PDZRN3: variants seen among roughly 807,000 people sequenced by gnomAD.
The protein encoded by PDZRN3 is PDZ domain containing ring finger 3.
In PDZRN3, 38 loss-of-function variants were observed where a neutral mutation model predicts 85.7. That is an observed-to-expected ratio of 0.44 (90% confidence interval 0.34 to 0.58). PDZRN3 has a LOEUF of 0.58. PDZRN3 is among the 20% of genes least tolerant of loss of function. The probability of loss-of-function intolerance (pLI) is 0.01; values close to 1 mark genes in which losing one functional copy is unlikely to be tolerated. For missense variants in PDZRN3, 1,629 were observed against 1,506.4 expected (o/e 1.08, Z -1.35); for synonymous variants, 759 against 638.0 (o/e 1.19, Z -2.86).
chr3:73,415,429 CTT>C (rs1050863331), intron 3 of PDZRN3, among the ~76,000 whole-genome samples: 1 of 152,022 alleles, frequency 6.6e-6, no homozygotes, highest in African/African-American at 2.4e-5. Context: ...TCAGGTTGGA[CTT>C]TGTTTTTAAA....
intron 1 of PDZRN3, among the ~76,000 whole-genome samples, chr3:73,622,032 C>T (rs552940697): frequency 4.6e-5 from 7 of 152,288 alleles, no homozygotes; most frequent in South Asian, 4.1e-4. Flanking sequence ...TATAAATAAG[C>T]GTCACTTAAA....
intron 3 of PDZRN3, among the ~76,000 whole-genome samples, chr3:73,473,147 C>G (rs1006143090): frequency 6.6e-6 from 1 of 152,202 alleles, no homozygotes; most frequent in Admixed American, 6.5e-5. Flanking sequence ...TAAGTGAACT[C>G]TGTGTATATA....
At chr3:73,433,846 C>T in intron 3 of PDZRN3, 2 of 1,446,162 alleles carry the variant, frequency 1.4e-6, no homozygotes, top group Non-Finnish European at 1.8e-6. Flanking sequence ...ATTGGCGCTG[C>T]TCTCAGAGGC....
At chr3:73,550,218 T>C (rs1191047647) in intron 3 of PDZRN3, among the ~76,000 whole-genome samples, 2 of 152,144 alleles carry the variant, frequency 1.3e-5, no homozygotes, top group Non-Finnish European at 2.9e-5. Context: ...GGGAACTGGT[T>C]AGAAATGCAA....
intron 8 of PDZRN3, 65 bp downstream of exon 8, chr3:73,387,903 C>G (rs1701431485): frequency 2.7e-6 from 2 of 742,314 alleles, no homozygotes. Flanking sequence ...TGCTCTTTTG[C>G]AGGCCTGGGG....
intron 3 of PDZRN3, among the ~76,000 whole-genome samples, chr3:73,515,051 A>T (rs1390631670): frequency 6.6e-6 from 1 of 152,114 alleles, no homozygotes; most frequent in Non-Finnish European, 1.5e-5. Context: ...CCACCCCAGT[A>T]CTTTACCCCT....
At chr3:73,523,937 C>CATTCT (rs1323675123) in intron 3 of PDZRN3, among the ~76,000 whole-genome samples, 2 of 152,176 alleles carry the variant, frequency 1.3e-5, no homozygotes, top group Non-Finnish European at 2.9e-5. Context: ...GGATCCAAAG[C>CATTCT]ATTCTGTAAA....
chr3:73,588,633 A>C (rs1044420374), intron 3 of PDZRN3, among the ~76,000 whole-genome samples: 1 of 152,230 alleles, frequency 6.6e-6, no homozygotes, highest in Non-Finnish European at 1.5e-5. Flanking sequence ...CAGAGTTTTC[A>C]GCTGTCTAGC....
chr3:73,467,414 T>A (rs1276241101), intron 3 of PDZRN3, among the ~76,000 whole-genome samples: 1 of 152,202 alleles, frequency 6.6e-6, no homozygotes, highest in Non-Finnish European at 1.5e-5. Flanking sequence ...ATTAGATTAG[T>A]TGCTCACTCA....
chr3:73,482,802 C>G (rs751566389), intron 3 of PDZRN3, among the ~76,000 whole-genome samples: 2 of 152,306 alleles, frequency 1.3e-5, no homozygotes, highest in Non-Finnish European at 2.9e-5. Context: ...GGATCTTTAA[C>G]TTACACTGTT....
intron 3 of PDZRN3, among the ~76,000 whole-genome samples, chr3:73,470,299 G>A (rs1470749249): frequency 1.3e-5 from 2 of 152,160 alleles, no homozygotes; most frequent in African/African-American, 4.8e-5. Flanking sequence ...TGAAATTGCC[G>A]TGTAAACTAT....
At chr3:73,555,894 C>T (rs748920334) in intron 3 of PDZRN3, among the ~76,000 whole-genome samples, 8 of 152,166 alleles carry the variant, frequency 5.3e-5, no homozygotes, top group African/African-American at 1.9e-4. Flanking sequence ...ATTGTTCTTA[C>T]ACACATAAAT....
intron 3 of PDZRN3, among the ~76,000 whole-genome samples, chr3:73,514,218 G>C (rs1170763367): frequency 6.6e-6 from 1 of 152,138 alleles, no homozygotes; most frequent in Non-Finnish European, 1.5e-5. Context: ...AGGAGGTCTG[G>C]GATCTGTTTA....
At chr3:73,603,659 T>G (rs1315526479) in intron 2 of PDZRN3, among the ~76,000 whole-genome samples, 1 of 152,100 alleles carries the variant, frequency 6.6e-6, no homozygotes, top group Admixed American at 6.5e-5. Flanking sequence ...TACATAAAAA[T>G]TCCATTTGTT....
chr3:73,501,941 G>C (rs955611107), intron 3 of PDZRN3, among the ~76,000 whole-genome samples: 64 of 152,312 alleles, frequency 4.2e-4, no homozygotes, highest in African/African-American at 1.5e-3. Context: ...GCTTGAACCT[G>C]GGAGGCGGAG....
At chr3:73,578,080 T>A (rs1229244913) in intron 3 of PDZRN3, among the ~76,000 whole-genome samples, 1 of 152,206 alleles carries the variant, frequency 6.6e-6, no homozygotes, top group African/African-American at 2.4e-5. Context: ...ATCGTCCTTT[T>A]ACTAAACTCT....
intron 3 of PDZRN3, among the ~76,000 whole-genome samples, chr3:73,534,278 T>G (rs918051899): frequency 1.3e-5 from 2 of 152,214 alleles, no homozygotes; most frequent in Admixed American, 6.5e-5. Context: ...AATGAAGGGC[T>G]GAATCAGTGG....
intron 3 of PDZRN3, among the ~76,000 whole-genome samples, chr3:73,495,551 T>C (rs936559739): frequency 3.3e-5 from 5 of 152,240 alleles, no homozygotes; most frequent in Non-Finnish European, 5.9e-5. Context: ...TTTGTCTTAT[T>C]ATTTTTAATT....
At chr3:73,418,878 C>A (rs975871340) in intron 3 of PDZRN3, among the ~76,000 whole-genome samples, 1 of 152,198 alleles carries the variant, frequency 6.6e-6, no homozygotes, top group Non-Finnish European at 1.5e-5. Context: ...TGGGTATATT[C>A]CAGCTCAGCA....
Sources: allele counts gnomAD v4.1 joint callset (sites outside exome capture counted in the v4.1 genomes callset), GRCh38; gene constraint gnomAD v4.1.1; transcripts MANE v1.5; gene names NCBI Gene and HGNC (gene_info 2026-07-23, HGNC 2026-07-21).